ITGA4: variants seen among roughly 807,000 people sequenced by gnomAD.
The protein encoded by ITGA4 is integrin subunit alpha 4.
Under a neutral mutation model 133.6 loss-of-function variants are expected in ITGA4, and 63 were observed. The observed-to-expected ratio is 0.47, with a 90% confidence interval of 0.38 to 0.58. The LOEUF (loss-of-function observed/expected upper bound fraction) is 0.58. ITGA4 is among the 20% of genes least tolerant of loss of function. The probability of loss-of-function intolerance (pLI) is 0.00; values close to 1 mark genes in which losing one functional copy is unlikely to be tolerated. For synonymous variants in ITGA4, 483 were observed against 438.0 expected (o/e 1.10, Z -1.28); for missense variants, 1,076 against 1,252.7 (o/e 0.86, Z 2.13).
Position 181,516,876 on chromosome 2 carries a change from T to C in ITGA4, c.1922+5101T>C, listed in dbSNP as rs1264733697. Among the ~76,000 whole-genome samples the C allele has an allele frequency of 1.3e-5, 2 of 152,094 alleles. No homozygotes were observed. Among genetic ancestry groups the C allele is most frequent in the Admixed American group, 6.6e-5 (1 of 15,244 alleles). On this transcript the variant is annotated intron_variant, in intron 17 of 27. Coordinates refer to ENST00000397033, the MANE Select transcript of ITGA4 (RefSeq NM_000885.6). The surrounding 1 kb of genome is among the most constrained non-coding windows in gnomAD (Gnocchi z 4.0). ...GCTAGTGTGATGAAATTGTCCATTT[T>C]TAAAATGGAAATAGTACGAATATTT...
chr2:181,458,133 G>T, intron 1 of ITGA4, 63 bp from the exon 2 acceptor site: 1 of 1,606,988 alleles, frequency 6.2e-7, no homozygotes, highest in Non-Finnish European at 8.5e-7. Flanking sequence ...CATCTGTGGC[G>T]ACAGGGAGCT....
chr2:181,460,148 G>C (rs904556694), intron 2 of ITGA4, among the ~76,000 whole-genome samples: 1 of 152,122 alleles, frequency 6.6e-6, no homozygotes, highest in African/African-American at 2.4e-5. Context: ...TAGAAATGAT[G>C]AGCCAAACTG....
intron 25 of ITGA4, 32 bp downstream of exon 25, chr2:181,531,808 G>T (rs571561964): frequency 6.5e-7 from 1 of 1,528,706 alleles, no homozygotes; most frequent in African/African-American, 1.4e-5. Flanking sequence ...ACAACTTGGT[G>T]GCTAAGTTTA....
Position 181,493,417 on chromosome 2 carries a change from C to A in ITGA4, c.1246C>A (p.Gln416Lys). Reference sequence around the variant, plus strand: ...AGATGGGATCTCGTCAACCTTCTCACAGGTAAGGTACTATTCTATTTCCAA... The same window carrying A: ...AGATGGGATCTCGTCAACCTTCTCAAAGGTAAGGTACTATTCTATTTCCAA... Reference protein sequence around the residue: ...RADGISSTFSQRIEGLQISKS... With the variant: ...RADGISSTFSKRIEGLQISKS... The change falls in exon 11 of 28, where the codon CAG becomes AAG. Residue 416 changes from glutamine to lysine, a missense_variant and splice_region_variant. Around this residue, in one of 4 missense-constraint regions of ITGA4, gnomAD observed 436 missense variants for 590.7 expected, o/e 0.74. Coordinates refer to ENST00000397033, the MANE Select transcript of ITGA4 (RefSeq NM_000885.6). 1 of 1,583,646 alleles carries A rather than the reference C, an allele frequency of 6.3e-7. No homozygotes were observed. The highest frequency in any genetic ancestry group is 8.7e-7 in the Non-Finnish European group (1 of 1,153,140).
At chr2:181,467,974 T>A (rs1020378961) in intron 2 of ITGA4, among the ~76,000 whole-genome samples, 8 of 152,244 alleles carry the variant, frequency 5.3e-5, no homozygotes, top group Non-Finnish European at 1.2e-4. Context: ...CACATATATT[T>A]TATGAGCCAG....
chr2:181,503,312 A>G (rs1686321498), intron 15 of ITGA4, among the ~76,000 whole-genome samples: 1 of 152,234 alleles, frequency 6.6e-6, no homozygotes, highest in Non-Finnish European at 1.5e-5. Flanking sequence ...TTTAATCACA[A>G]TTCTTTAGTT....
chr2:181,531,671 T>G lies in ITGA4; in HGVS notation c.2679T>G (p.Ala893=). ...TTCCCTTCAAGTACTGCATAAAAGC[T>G]GATCCACATTGTTTAAATTTCTTGT... ...TDKRLLYCIK[A]DPHCLNFLCN... is the part of the protein sequence containing the mutation. Residue 893 remains alanine, a synonymous_variant, in exon 25 of 28, where the codon GCT becomes GCG. Transcript: ENST00000397033. The G allele has an allele frequency of 3.8e-6, 6 of 1,596,670 alleles. No homozygotes were observed. The highest frequency in any genetic ancestry group is 5.1e-6 in the Non-Finnish European group (6 of 1,167,896).
At chr2:181,531,479 A>G (rs1686943639) in intron 24 of ITGA4, among the ~76,000 whole-genome samples, 178 bp from the exon 25 acceptor site, 1 of 152,216 alleles carries the variant, frequency 6.6e-6, no homozygotes, top group African/African-American at 2.4e-5. Context: ...ACAAACATTC[A>G]TGTCTTGTTT....
At chr2:181,477,083 T>G (rs1685693594) in intron 4 of ITGA4, among the ~76,000 whole-genome samples, 1 of 152,138 alleles carries the variant, frequency 6.6e-6, no homozygotes, top group South Asian at 2.1e-4. Flanking sequence ...ACACGCAATT[T>G]ATCTATGCAA....
rs775143828 is a variant in ITGA4, at chr2:181,536,918, A to G, written c.*1391A>G. 6.6e-6 allele frequency: 3 copies of G among 453,432 alleles called. 1 individual carries two copies. Among genetic ancestry groups the G allele is most frequent in the South Asian group, 4.7e-5 (3 of 64,352 alleles). The allele number at this position is 453,432 out of a possible 1,614,324, so 28.1% of individuals were successfully genotyped here. A position where few individuals can be genotyped will look rare whatever the true frequency, so the allele number is the denominator to read the frequency against. On this transcript the variant is annotated 3_prime_UTR_variant, in exon 28 of 28. Coordinates refer to ENST00000397033, the MANE Select transcript of ITGA4 (RefSeq NM_000885.6). ...AATTAGAAGGCAATGTGGAAAAACAATTCTGGGAAAGATTTCTTTATATGA... is the reference window on the plus strand; with the variant it reads ...AATTAGAAGGCAATGTGGAAAAACAGTTCTGGGAAAGATTTCTTTATATGA...
chr2:181,530,646 A>T lies in ITGA4; in HGVS notation c.2661A>T (p.Leu887=). 6 of 1,609,146 alleles carry T rather than the reference A, an allele frequency of 3.7e-6. No individual in the cohort carries two copies. Among genetic ancestry groups the T allele is most frequent in the Non-Finnish European group, 5.1e-6 (6 of 1,177,312 alleles). ...TCTTGTCCAAGACTGATAAGAGGCT[A>T]TTGGTAAGTTTCAGTTTTTCAGGTT... ...VRFLSKTDKR[L]LYCIKADPHC... Residue 887 remains leucine, a synonymous_variant, in exon 24 of 28, where the codon CTA becomes CTT. Transcript: ENST00000397033.
chr2:181,464,956 C>A (rs1386364831), intron 2 of ITGA4, among the ~76,000 whole-genome samples: 1 of 152,058 alleles, frequency 6.6e-6, no homozygotes, highest in Admixed American at 6.6e-5. Context: ...CATAGAAAAT[C>A]TTTTTTATAT....
chr2:181,486,465 C>T (rs1338482345), intron 10 of ITGA4, among the ~76,000 whole-genome samples: 1 of 152,168 alleles, frequency 6.6e-6, no homozygotes, highest in Non-Finnish European at 1.5e-5. Flanking sequence ...TTCTGGAAGC[C>T]CCTGCTCTGC....
Position 181,525,063 on chromosome 2 carries a change from A to G in ITGA4, c.2250-139A>G, listed in dbSNP as rs144353114. 459 of 433,660 alleles carry G rather than the reference A, an allele frequency of 1.1e-3. 1 individual carries two copies. The East Asian group carries it at 0.014, about 14-fold the overall frequency. 26.9% of individuals were successfully genotyped at this position (433,660 alleles called of 1,614,324 possible). A position where few individuals can be genotyped will look rare whatever the true frequency, so the allele number is the denominator to read the frequency against. ...CTTGTCCTAAAAAATTTTTACTACCATATCTACTTTTATCCCCACTCCTCA... is the reference window on the plus strand; with the variant it reads ...CTTGTCCTAAAAAATTTTTACTACCGTATCTACTTTTATCCCCACTCCTCA... On this transcript the variant is annotated intron_variant, in intron 20 of 27. Transcript: ENST00000397033.
intron 2 of ITGA4, among the ~76,000 whole-genome samples, chr2:181,470,456 G>A (rs1394805141): frequency 1.3e-5 from 2 of 151,916 alleles, no homozygotes; most frequent in East Asian, 3.9e-4. Context: ...CTACCTGGGG[G>A]GCTTCAAAAA....
intron 10 of ITGA4, 33 bp from the exon 11 acceptor site, chr2:181,493,292 A>T (rs969738859): frequency 6.8e-7 from 1 of 1,460,864 alleles, no homozygotes; most frequent in East Asian, 2.3e-5. Context: ...TGTATCAAGA[A>T]TTTATTTTTC....
At position 181,475,311 on chromosome 2, in the gene ITGA4, A is replaced by C. The variant is rs185367438; in HGVS notation, c.556+23A>C. ...AAGGTAAGGCATGATTTTGATACGA[A>C]TTAGATAAAGATAAGTAAGTGAATA... is the stretch of plus-strand genomic sequence containing the variant. On this transcript the variant is annotated intron_variant, in intron 4 of 27. Coordinates refer to ENST00000397033, the MANE Select transcript of ITGA4 (RefSeq NM_000885.6). The C allele has an allele frequency of 1.2e-4, 183 of 1,584,452 alleles. No homozygotes were observed. The African/African-American group carries it at 2.1e-3, about 18-fold the overall frequency.
chr2:181,507,718 A>G (rs1686422280), intron 15 of ITGA4, among the ~76,000 whole-genome samples: 1 of 152,156 alleles, frequency 6.6e-6, no homozygotes, highest in South Asian at 2.1e-4. Context: ...TGTAAATGCT[A>G]TGTAAATACT....
chr2:181,508,272 G>A (rs2105754847), intron 15 of ITGA4, among the ~76,000 whole-genome samples: 1 of 152,110 alleles, frequency 6.6e-6, no homozygotes, highest in Admixed American at 6.6e-5. Flanking sequence ...ATGCTGTGTA[G>A]ACATAAGATA....
Sources: gnomAD v4.1 joint callset for allele counts (sites outside exome capture counted in the v4.1 genomes callset) on GRCh38, gnomAD v4.1.1 for gene constraint, gnomAD v4.1.1 regional missense constraint, Gnocchi (gnomAD v3.1) non-coding constraint, MANE v1.5 for transcripts, NCBI Gene and HGNC (gene_info 2026-07-23, HGNC 2026-07-21) for gene names.